The following FBXO10 variants were observed in gnomAD, a reference collection of about 807,000 sequenced individuals.
FBXO10 encodes F-box only protein 10.
FBXO10 carries 39 observed loss-of-function variants against 80.7 expected under a neutral mutation model. The ratio of observed to expected loss-of-function variants is 0.48; its 90% CI spans 0.37 to 0.63. The LOEUF (loss-of-function observed/expected upper bound fraction) is 0.63. Among genes scored for constraint, FBXO10 ranks in the 30% least tolerant of loss-of-function variants. The probability of loss-of-function intolerance (pLI) is 0.00; values close to 1 mark genes in which losing one functional copy is unlikely to be tolerated. For synonymous variants in FBXO10, 449 were observed against 489.6 expected, an observed-to-expected ratio of 0.92 and a Z score of 1.09; for missense variants, 1,025 against 1,269.0, an observed-to-expected ratio of 0.81 and a Z score of 2.92.
In FBXO10 at chr9:37,531,993, G is replaced by A. The variant is rs11544269; in HGVS notation, c.1485C>T (p.Gly495=). The A allele has an allele frequency of 2.7e-3, 4,298 of 1,613,944 alleles. 106 individuals are homozygous for A. In the African/African-American group the frequency reaches 0.046, roughly 17 times the overall value. ...TGTTGTTGCCGGCAATCAAGCCACC[G>A]CCCTCCAAGCGAAGAAAGATGCCTG... ...RASGIFLRLE[G]GGLIAGNNIY... The change falls in exon 4 of 11, where the codon GGC becomes GGT. Residue 495 remains glycine, a synonymous_variant. Coordinates refer to ENST00000432825, the MANE Select transcript of FBXO10 (RefSeq NM_012166.3).
chr9:37,518,309 G>T lies in FBXO10; in HGVS notation c.2330C>A (p.Ser777Tyr), dbSNP rs770030505. Residue 777 changes from serine (S) to tyrosine (Y), a missense_variant, in exon 9 of 11, where the codon TCC becomes TAC. By Grantham distance (144) the Ser-to-Tyr change is moderately radical (BLOSUM62 -2). Around this residue, in one of 3 missense-constraint regions of FBXO10, gnomAD observed 478 missense variants for 667.8 expected, o/e 0.72. Transcript: ENST00000432825. ...CTTGACCCCACTTTGCCGGTTGCAG[G>T]AGATGCTGTTGTTGGCCACTCGGGT... Reference protein sequence around the residue: ...QPTRVANNSISCNRQSGVKVE... With the variant: ...QPTRVANNSIYCNRQSGVKVE... 1 of 1,614,100 alleles carries T rather than the reference G, an allele frequency of 6.2e-7. No homozygotes were observed. The highest frequency in any genetic ancestry group is 8.5e-7 in the Non-Finnish European group (1 of 1,179,906).
chr9:37,563,699 G>A (rs1282747924), intron 1 of FBXO10, among the ~76,000 whole-genome samples: 1 of 152,176 alleles, frequency 6.6e-6, no homozygotes, highest in Non-Finnish European at 1.5e-5. Context: ...GTGGAACTTT[G>A]AACTTGAGAG....
intron 3 of FBXO10, among the ~76,000 whole-genome samples, chr9:37,533,528 AGAGT>A (rs978968112): frequency 4.6e-5 from 7 of 151,952 alleles, no homozygotes; most frequent in Non-Finnish European, 8.8e-5. Flanking sequence ...CCTGGGCGAC[AGAGT>A]GAGACCTTAT....
chr9:37,515,802 G>A, intron 10 of FBXO10, 102 bp downstream of exon 10: 1 of 1,254,744 alleles, frequency 8.0e-7, no homozygotes, highest in Middle Eastern at 2.0e-4. Context: ...TGGCAGGGTT[G>A]CAGGGAGCCC....
intron 1 of FBXO10, among the ~76,000 whole-genome samples, chr9:37,565,010 C>A (rs1311898505): frequency 6.6e-6 from 1 of 152,188 alleles, no homozygotes; most frequent in Non-Finnish European, 1.5e-5. Context: ...CCACAATCCC[C>A]ATTTGTCAGG....
intron 3 of FBXO10, among the ~76,000 whole-genome samples, chr9:37,532,344 A>T (rs111662667): frequency 9.1e-5 from 12 of 132,412 alleles, no homozygotes; most frequent in African/African-American, 3.2e-4. Context: ...TCTGTTGCCC[A>T]GGCTGGAGTG....
chr9:37,570,927 G>T (rs71504537), intron 1 of FBXO10, among the ~76,000 whole-genome samples: 1 of 151,652 alleles, frequency 6.6e-6, no homozygotes, highest in South Asian at 2.1e-4. Flanking sequence ...CCGGAAGGCG[G>T]AGGTTGCAGT....
intron 9 of FBXO10, among the ~76,000 whole-genome samples, chr9:37,516,817 T>G (rs1657999435): frequency 6.6e-6 from 1 of 151,958 alleles, no homozygotes; most frequent in Non-Finnish European, 1.5e-5. Context: ...CAAAATTAGC[T>G]GGGCATGGCG....
chr9:37,560,811 G>A (rs552358754), intron 1 of FBXO10, among the ~76,000 whole-genome samples: 1 of 152,258 alleles, frequency 6.6e-6, no homozygotes, highest in Non-Finnish European at 1.5e-5. Context: ...AGTATGGCCT[G>A]AAGTAGGCCC....
In FBXO10 at chr9:37,565,899, T is replaced by C. The variant is rs537381549; in HGVS notation, c.-7+10312A>G. Reference sequence around the variant, plus strand: ...CAGAGGAAACAGCATCAGCAAAAGCTCCTGAGGTAGAAAACCTTCAGCTGG... The same window carrying C: ...CAGAGGAAACAGCATCAGCAAAAGCCCCTGAGGTAGAAAACCTTCAGCTGG... On this transcript the variant is annotated intron_variant, in intron 1 of 10. Transcript: ENST00000432825. Among the ~76,000 whole-genome samples, 4 of 152,274 alleles carry C rather than the reference T, an allele frequency of 2.6e-5. No individual in the cohort carries two copies. The South Asian group carries it at 8.3e-4, about 32-fold the overall frequency.
chr9:37,572,493 G>A (rs971931408), intron 1 of FBXO10, among the ~76,000 whole-genome samples: 7 of 152,204 alleles, frequency 4.6e-5, no homozygotes, highest in African/African-American at 1.7e-4. Context: ...TGTTGGCAAC[G>A]AAAATAAGTG....
At chr9:37,552,278 A>G (rs1397316919) in intron 1 of FBXO10, among the ~76,000 whole-genome samples, 1 of 152,188 alleles carries the variant, frequency 6.6e-6, no homozygotes, top group Non-Finnish European at 1.5e-5. Context: ...AGTTGCTTCT[A>G]CATTTTTAGG....
At chr9:37,522,428 CGTGA>C (rs1821367202) in intron 7 of FBXO10, 17 of 1,033,288 alleles carry the variant, frequency 1.6e-5, no homozygotes, top group Non-Finnish European at 1.9e-5. Context: ...AAAGTCACTG[CGTGA>C]GTGAGAAGAG....
In FBXO10 at chr9:37,518,182, G is replaced by GT. The variant is rs1564332391; in HGVS notation, c.2456dup (p.Asn819LysfsTer20). 6.2e-7 allele frequency: 1 copy of GT among 1,614,076 alleles called. No homozygotes were observed. The highest frequency in any genetic ancestry group is 1.7e-5 in the Admixed American group (1 of 60,028). ...CGCTGCCCCGGTTGCCAATGATATC[G>GT]TTTTCAATGACGATGGTGCTGTCGC... On this transcript the variant is annotated frameshift_variant, in exon 9 of 11. Transcript: ENST00000432825. LOFTEE classifies it high-confidence loss of function.
At chr9:37,521,500 T>C (rs2119063884) in intron 8 of FBXO10, 69 bp downstream of exon 8, 1 of 1,394,698 alleles carries the variant, frequency 7.2e-7, no homozygotes, top group Admixed American at 3.0e-5. Context: ...AAGTTTTAAA[T>C]TGGAGAAAAA....
rs1029058393 is a variant in FBXO10, at chr9:37,511,612, C to G, written c.*935G>C. ...GGAGGTGGCAGTGTCTCGGCTAAAC[C>G]TTGAGGAACGAGGACACGGAGATGG... On this transcript the variant is annotated 3_prime_UTR_variant, in exon 11 of 11. Transcript: ENST00000432825. 6.5e-6 allele frequency: 1 copy of G among 153,070 alleles called. No homozygotes were observed. The highest frequency in any genetic ancestry group is 2.4e-5 in the African/African-American group (1 of 41,428). The allele number at this position is 153,070 out of a possible 1,614,324, so 9.5% of individuals were successfully genotyped here.
chr9:37,569,395 C>CAAAAAAAAAAAAAAAAA, intron 1 of FBXO10, among the ~76,000 whole-genome samples: 1 of 123,116 alleles, frequency 8.1e-6, no homozygotes, highest in East Asian at 2.2e-4. Flanking sequence ...AGATATAAAG[C>CAAAAAAAAAAAAAAAAA]AAAAAAAAAA....
chr9:37,523,161 T>C (rs1388290102), intron 6 of FBXO10, among the ~76,000 whole-genome samples, 184 bp from the exon 7 acceptor site: 2 of 152,072 alleles, frequency 1.3e-5, no homozygotes, highest in Non-Finnish European at 2.9e-5. Context: ...TGCTGACTCC[T>C]TTCCCCAAGG....
At chr9:37,540,844 G>T (rs1006228104) in intron 2 of FBXO10, among the ~76,000 whole-genome samples, 5 of 152,134 alleles carry the variant, frequency 3.3e-5, no homozygotes, top group African/African-American at 1.2e-4. Context: ...TGGGCTCTCT[G>T]CTTCCTGTCA....
Sources: allele counts gnomAD v4.1 joint callset (sites outside exome capture counted in the v4.1 genomes callset), GRCh38; gene constraint gnomAD v4.1.1; regional missense constraint gnomAD v4.1.1; transcripts MANE v1.5; gene names NCBI Gene and HGNC (gene_info 2026-07-23, HGNC 2026-07-21).